The following UBALD1 variants were observed in gnomAD, a reference collection of about 807,000 sequenced individuals.
The protein encoded by UBALD1 is UBA like domain containing 1.
UBALD1 carries 5 observed loss-of-function variants against 16.1 expected under a neutral mutation model. The ratio of observed to expected loss-of-function variants is 0.31; its 90% CI spans 0.16 to 0.66. The LOEUF (loss-of-function observed/expected upper bound fraction) is 0.66. UBALD1 is among the 30% of genes least tolerant of loss of function. The pLI, the probability that UBALD1 is intolerant of heterozygous loss-of-function variation, is 0.77. For missense variants in UBALD1, 220 were observed against 252.8 expected (o/e 0.87, Z 0.88); for synonymous variants, 146 against 105.3 (o/e 1.39, Z -2.37).
rs149629372 is a variant in UBALD1, at chr16:4,610,502, G to A, written c.174C>T (p.His58=). Residue 58 remains histidine, a synonymous_variant, in exon 2 of 3, where the codon CAC becomes CAT. Coordinates refer to ENST00000283474, the MANE Select transcript of UBALD1 (RefSeq NM_145253.3). The part of the protein sequence containing the change: ...QETNIPYSHH[H]HQMMCTPANT... ...CTCCGGGGACACTTACCATCTGGTG[G>A]TGATGGTGGCTGTAGGGGATGTTGG... 6 of 1,608,660 alleles carry A rather than the reference G, an allele frequency of 3.7e-6. No individual in the cohort carries two copies. The highest frequency in any genetic ancestry group is 5.1e-6 in the Non-Finnish European group (6 of 1,177,400).
rs1437870687 is a variant in UBALD1 at position 4,609,859 on chromosome 16, G to A, written c.308C>T (p.Thr103Ile). The A allele has an allele frequency of 6.6e-7, 1 of 1,520,750 alleles. No individual in the cohort carries two copies. The highest frequency in any genetic ancestry group is 1.3e-5 in the South Asian group (1 of 78,024). The allele number at this position is 1,520,750 out of a possible 1,614,324, so 94.2% of individuals were successfully genotyped here. A position where few individuals can be genotyped will look rare whatever the true frequency, so the allele number is the denominator to read the frequency against. The change falls in exon 3 of 3, where the codon ACA (threonine) becomes ATA (isoleucine). Residue 103 changes from threonine (T) to isoleucine (I), a missense_variant. Thr to Ile is a moderately conservative substitution (Grantham distance 89). Transcript: ENST00000283474. ...GAAGTGTGGCGGGGGTGACGTGGCT[G>A]TCGCGGCCATCGGGCTGCCGCTGCC... ...SGGSGSPMAA[T>I]ATSPPPHFPH...
At chr16:4,613,751 G>T (rs1423971109) in intron 1 of UBALD1, among the ~76,000 whole-genome samples, 1 of 152,168 alleles carries the variant, frequency 6.6e-6, no homozygotes, top group South Asian at 2.1e-4. Flanking sequence ...GGTAGCCTCT[G>T]GGCAGCACAA....
intron 1 of UBALD1, among the ~76,000 whole-genome samples, chr16:4,613,350 C>T (rs1418553195): frequency 6.6e-6 from 1 of 152,164 alleles, no homozygotes; most frequent in Middle Eastern, 3.2e-3. Flanking sequence ...AGAGCAGCCT[C>T]CCACGTCCTG....
Position 4,609,990 on chromosome 16 carries a change from G to T in UBALD1, c.184-7C>A. The T allele has an allele frequency of 6.4e-7, 1 of 1,566,760 alleles. No individual in the cohort carries two copies. The highest frequency in any genetic ancestry group is 1.2e-5 in the South Asian group (1 of 86,328). ...TATTGGCGGGGGTGCACATCTGTGA[G>T]GGGAAGAGAGGAGAGATGGGGTGAG... On this transcript the variant is annotated splice_polypyrimidine_tract_variant and splice_region_variant and intron_variant, in intron 2 of 2. Coordinates refer to ENST00000283474, the MANE Select transcript of UBALD1 (RefSeq NM_145253.3).
At chr16:4,614,485 G>T in intron 1 of UBALD1, 193 bp downstream of exon 1, 1 of 961,862 alleles carries the variant, frequency 1.0e-6, no homozygotes. Flanking sequence ...CGGTGGCCCG[G>T]TTCCCACCTC....
intron 1 of UBALD1, among the ~76,000 whole-genome samples, chr16:4,613,016 AG>A (rs1897376896): frequency 4.2e-5 from 1 of 23,746 alleles, no homozygotes. Context: ...CCTGGGTGCC[AG>A]CTGGGTGCCA....
intron 1 of UBALD1, chr16:4,614,391 C>A: frequency 5.4e-6 from 2 of 370,566 alleles, no homozygotes; most frequent in Non-Finnish European, 9.2e-6. Flanking sequence ...GGCCCTCGGC[C>A]GTTACCCGGA....
intron 1 of UBALD1, chr16:4,614,458 G>A: frequency 1.6e-6 from 1 of 630,240 alleles, no homozygotes; most frequent in Non-Finnish European, 2.4e-6. Flanking sequence ...GCCCCGCGGG[G>A]GCGGCGTATC....
chr16:4,610,197 G>GCCA (rs765903063), intron 2 of UBALD1: 2 of 712,416 alleles, frequency 2.8e-6, no homozygotes, highest in South Asian at 3.0e-5. Context: ...GGTGCCTGGG[G>GCCA]CCACGAGGCT....
rs1897327181 is a variant in UBALD1 at position 4,609,323 on chromosome 16, A to AC, written c.*309dup. On this transcript the variant is annotated 3_prime_UTR_variant, in exon 3 of 3. Transcript: ENST00000283474. ...CTCTGCCAGGGTGGTCCTCCACGGC[A>AC]CCCCTGGGCTGGGCTGGGCAGGTGC... The AC allele has an allele frequency of 3.5e-6, 1 of 285,120 alleles. No homozygotes were observed. The highest frequency in any genetic ancestry group is 5.3e-5 in the Admixed American group (1 of 18,976). The allele number at this position is 285,120 out of a possible 1,614,324, so 17.7% of individuals were successfully genotyped here.
Position 4,610,239 on chromosome 16 carries a change from C to A in UBALD1, c.183+254G>T, listed in dbSNP as rs958350426. The stretch of plus-strand genomic sequence containing the variant: ...GCCCACCCCTTTCCATCAGCCACAG[C>A]ATCCCCGGGGGCTGTAGGGTAAGGA... On this transcript the variant is annotated intron_variant, in intron 2 of 2. Transcript: ENST00000283474. 33 of 711,618 alleles carry A rather than the reference C, an allele frequency of 4.6e-5. No homozygotes were observed. The African/African-American group carries it at 4.7e-4, about 10-fold the overall frequency. 44.1% of individuals were successfully genotyped at this position (711,618 alleles called of 1,614,324 possible).
At chr16:4,611,181 T>C (rs1245073339) in intron 1 of UBALD1, 2 of 154,710 alleles carry the variant, frequency 1.3e-5, no homozygotes, top group African/African-American at 4.8e-5. Flanking sequence ...AGGTGGCTCC[T>C]GGGTCCCCTC....
Position 4,609,848 on chromosome 16 carries a change from G to A in UBALD1, c.319C>T (p.Pro107Ser). 2 of 1,520,548 alleles carry A rather than the reference G, an allele frequency of 1.3e-6. No homozygotes were observed. Among genetic ancestry groups the A allele is most frequent in the Non-Finnish European group, 1.8e-6 (2 of 1,133,802 alleles). 94.2% of individuals were successfully genotyped at this position (1,520,548 alleles called of 1,614,324 possible). A position where few individuals can be genotyped will look rare whatever the true frequency, so the allele number is the denominator to read the frequency against. Residue 107 changes from proline (P) to serine (S), a missense_variant, in exon 3 of 3, where the codon CCC (proline) becomes TCC (serine). Transcript: ENST00000283474. ...GSPMAATATSPPPHFPHAATS... is the reference protein window; with the variant it reads ...GSPMAATATSSPPHFPHAATS... Reference sequence around the variant, plus strand: ...GCGGCATGGGGGAAGTGTGGCGGGGGTGACGTGGCTGTCGCGGCCATCGGG... The same window carrying A: ...GCGGCATGGGGGAAGTGTGGCGGGGATGACGTGGCTGTCGCGGCCATCGGG...
rs527882135 is a variant in UBALD1, at chr16:4,610,682, G to A, written c.121-127C>T. ...CTGCTGAGTGGGAGGGGTGAGTCGCGGTGCTGAGGCTCAGTGGCTTGCCTG... is the reference window on the plus strand; with the variant it reads ...CTGCTGAGTGGGAGGGGTGAGTCGCAGTGCTGAGGCTCAGTGGCTTGCCTG... On this transcript the variant is annotated intron_variant, in intron 1 of 2. Coordinates refer to ENST00000283474, the MANE Select transcript of UBALD1 (RefSeq NM_145253.3). 2.3e-4 allele frequency: 241 copies of A among 1,044,850 alleles called. 1 individual carries two copies. The highest frequency in any genetic ancestry group is 4.0e-4 in the South Asian group (26 of 65,162). 64.7% of individuals were successfully genotyped at this position (1,044,850 alleles called of 1,614,324 possible).
chr16:4,614,472 G>C (rs761249770), intron 1 of UBALD1: 12 of 776,212 alleles, frequency 1.5e-5, no homozygotes, highest in Non-Finnish European at 2.2e-5. Flanking sequence ...GCGTATCCCC[G>C]ACCGGTGGCC....
At chr16:4,614,276 C>T (rs564529164) in intron 1 of UBALD1, 1 of 355,062 alleles carries the variant, frequency 2.8e-6, no homozygotes, top group Non-Finnish European at 5.1e-6. Context: ...ACCCTCGGAC[C>T]ACTCGCCCGG....
chr16:4,610,645 A>C, intron 1 of UBALD1, 90 bp from the exon 2 acceptor site: 1 of 1,458,012 alleles, frequency 6.9e-7, no homozygotes, highest in Non-Finnish European at 9.3e-7. Context: ...GCTGGGGATG[A>C]CCCTGGCTGG....
chr16:4,614,610 G>A, intron 1 of UBALD1, 68 bp downstream of exon 1: 2 of 1,289,110 alleles, frequency 1.6e-6, no homozygotes, highest in African/African-American at 1.6e-5. Context: ...GTCCGCCCCC[G>A]CCCGGCGGCC....
At position 4,610,486 on chromosome 16, in the gene UBALD1, C is replaced by T. The variant is rs751857087; in HGVS notation, c.183+7G>A. 49 of 1,602,090 alleles carry T rather than the reference C, an allele frequency of 3.1e-5. No individual in the cohort carries two copies. In the East Asian group the frequency reaches 9.8e-4, roughly 32 times the overall value. On this transcript the variant is annotated splice_region_variant and intron_variant, in intron 2 of 2. Transcript: ENST00000283474. The stretch of plus-strand genomic sequence containing the variant: ...AATCCAGAACTGGGGACTCCGGGGA[C>T]ACTTACCATCTGGTGGTGATGGTGG...
Sources: gnomAD v4.1 joint callset for allele counts (sites outside exome capture counted in the v4.1 genomes callset) on GRCh38, gnomAD v4.1.1 for gene constraint, MANE v1.5 for transcripts, NCBI Gene and HGNC (gene_info 2026-07-23, HGNC 2026-07-21) for gene names.